SPATA16: variants seen among roughly 807,000 people sequenced by gnomAD.
SPATA16 encodes spermatogenesis associated 16.
Under a neutral mutation model 63.3 loss-of-function variants are expected in SPATA16, and 36 were observed. That is an observed-to-expected ratio of 0.57 (90% CI 0.44 to 0.75). The LOEUF (loss-of-function observed/expected upper bound fraction) is 0.75, where lower values mean the gene tolerates loss of function less well. Among genes scored for constraint, SPATA16 ranks in the 30% least tolerant of loss-of-function variants. The probability of loss-of-function intolerance (pLI) is 0.00; values close to 1 mark genes in which losing one functional copy is unlikely to be tolerated. For missense variants in SPATA16, 646 were observed against 679.3 expected, an observed-to-expected ratio of 0.95 and a Z score of 0.54; for synonymous variants, 203 against 216.7, an observed-to-expected ratio of 0.94 and a Z score of 0.56.
intron 1 of SPATA16, among the ~76,000 whole-genome samples, chr3:173,135,169 A>G (rs932350634): frequency 2.0e-5 from 3 of 152,216 alleles, no homozygotes; most frequent in Non-Finnish European, 4.4e-5. Context: ...ACATATCACA[A>G]AAGATGATCT....
intron 4 of SPATA16, among the ~76,000 whole-genome samples, chr3:173,009,091 G>T (rs564833016): frequency 6.6e-6 from 1 of 152,074 alleles, no homozygotes; most frequent in Non-Finnish European, 1.5e-5. Context: ...AGATGATTCT[G>T]CACTTTAAAA....
chr3:172,961,238 T>G (rs1325114612), intron 5 of SPATA16, among the ~76,000 whole-genome samples: 1 of 152,086 alleles, frequency 6.6e-6, no homozygotes, highest in African/African-American at 2.4e-5. Context: ...TGATGATGAT[T>G]ATTATAGATT....
chr3:172,989,101 A>G (rs1424090794), intron 4 of SPATA16, among the ~76,000 whole-genome samples: 2 of 152,062 alleles, frequency 1.3e-5, no homozygotes, highest in East Asian at 3.9e-4. Context: ...CTTTCTTTCC[A>G]ATGTGTTCTG....
chr3:173,020,006 G>C (rs866540190), intron 3 of SPATA16, among the ~76,000 whole-genome samples: 2 of 149,820 alleles, frequency 1.3e-5, no homozygotes, highest in African/African-American at 2.4e-5. Flanking sequence ...AAAAAAAAAG[G>C]AACTGGAGGC....
intron 1 of SPATA16, among the ~76,000 whole-genome samples, chr3:173,135,082 T>C (rs1456206992): frequency 6.6e-6 from 1 of 152,230 alleles, no homozygotes; most frequent in Non-Finnish European, 1.5e-5. Flanking sequence ...TGGACTTGTA[T>C]CCAGAATATA....
intron 5 of SPATA16, among the ~76,000 whole-genome samples, chr3:172,971,588 G>T (rs528513000): frequency 2.0e-5 from 3 of 152,226 alleles, no homozygotes; most frequent in Admixed American, 6.5e-5. Context: ...TGTCTATTTT[G>T]TTCACTCCTG....
At chr3:173,090,283 CAT>C (rs1491199028) in intron 2 of SPATA16, among the ~76,000 whole-genome samples, 3 of 152,104 alleles carry the variant, frequency 2.0e-5, no homozygotes, top group African/African-American at 7.2e-5. Flanking sequence ...CCTGCTTTGT[CAT>C]GTGATGTGCC....
intron 5 of SPATA16, among the ~76,000 whole-genome samples, chr3:172,969,840 G>A (rs926521660): frequency 6.6e-6 from 1 of 152,288 alleles, no homozygotes; most frequent in East Asian, 1.9e-4. Context: ...GATGGTATGA[G>A]CAGTGGCTTA....
intron 2 of SPATA16, among the ~76,000 whole-genome samples, chr3:173,088,417 TTTTAA>T (rs1560119180): frequency 6.6e-6 from 1 of 152,096 alleles, no homozygotes; most frequent in Non-Finnish European, 1.5e-5. Flanking sequence ...ATGATACTTA[TTTTAA>T]TTTGTTTTTG....
intron 3 of SPATA16, among the ~76,000 whole-genome samples, chr3:173,040,899 T>G (rs1267345438): frequency 6.6e-6 from 1 of 152,122 alleles, no homozygotes; most frequent in Non-Finnish European, 1.5e-5. Flanking sequence ...GAACTATTTC[T>G]TAATGTAGTC....
intron 2 of SPATA16, among the ~76,000 whole-genome samples, chr3:173,063,575 C>G (rs1330460825): frequency 6.6e-6 from 1 of 152,128 alleles, no homozygotes; most frequent in Non-Finnish European, 1.5e-5. Flanking sequence ...AGTTTCTAGT[C>G]TATTCTTTTG....
chr3:172,951,945 A>G (rs1029904463), intron 6 of SPATA16, among the ~76,000 whole-genome samples: 3 of 152,208 alleles, frequency 2.0e-5, no homozygotes, highest in East Asian at 1.9e-4. Context: ...TCTGTTGATT[A>G]TTTATTTAGA....
At chr3:172,941,193 G>A (rs1452107403) in intron 6 of SPATA16, among the ~76,000 whole-genome samples, 1 of 152,080 alleles carries the variant, frequency 6.6e-6, no homozygotes, top group East Asian at 1.9e-4. Context: ...AATTTAATAA[G>A]CAGCCTCAAT....
At chr3:172,994,029 A>T (rs1359565603) in intron 4 of SPATA16, among the ~76,000 whole-genome samples, 3 of 152,156 alleles carry the variant, frequency 2.0e-5, no homozygotes, top group South Asian at 2.1e-4. Flanking sequence ...TTCATTACAG[A>T]GTCTGGGTCA....
At chr3:172,947,254 C>T (rs1160777007) in intron 6 of SPATA16, among the ~76,000 whole-genome samples, 12 of 152,182 alleles carry the variant, frequency 7.9e-5, no homozygotes, top group Non-Finnish European at 1.8e-4. Flanking sequence ...ACAAACAAGC[C>T]TAGACTGCAA....
chr3:173,009,727 T>C (rs574111385), intron 4 of SPATA16, among the ~76,000 whole-genome samples: 1 of 152,316 alleles, frequency 6.6e-6, no homozygotes, highest in Admixed American at 6.5e-5. Flanking sequence ...GTGTTACTGG[T>C]CATAGGCAGT....
At chr3:173,136,766 G>A (rs990555266) in intron 1 of SPATA16, among the ~76,000 whole-genome samples, 3 of 152,110 alleles carry the variant, frequency 2.0e-5, no homozygotes, top group South Asian at 4.1e-4. Flanking sequence ...ACCAATGACC[G>A]CAGGCTCAGC....
At chr3:173,123,009 T>A (rs1180519524) in intron 1 of SPATA16, among the ~76,000 whole-genome samples, 1 of 152,170 alleles carries the variant, frequency 6.6e-6, no homozygotes, top group African/African-American at 2.4e-5. Context: ...TTTCAAGATA[T>A]TTGGGAAAGA....
At chr3:173,059,957 TG>T (rs910919404) in intron 2 of SPATA16, among the ~76,000 whole-genome samples, 3 of 149,300 alleles carry the variant, frequency 2.0e-5, no homozygotes, top group African/African-American at 7.4e-5. Context: ...ATGAAGCTAA[TG>T]TAGAAAAAAC....
Sources: gnomAD v4.1 joint callset for allele counts (sites outside exome capture counted in the v4.1 genomes callset) on GRCh38, gnomAD v4.1.1 for gene constraint, MANE v1.5 for transcripts, NCBI Gene and HGNC (gene_info 2026-07-23, HGNC 2026-07-21) for gene names.